KCNN3: variants seen among roughly 807,000 people sequenced by gnomAD.
KCNN3 encodes potassium calcium-activated channel subfamily N member 3, also known as small conductance calcium-activated potassium channel protein 3.
Under a neutral mutation model 62.9 loss-of-function variants are expected in KCNN3, and 16 were observed. The observed-to-expected ratio is 0.25, with a 90% CI of 0.17 to 0.39. The LOEUF (loss-of-function observed/expected upper bound fraction) is 0.39. Among genes scored for constraint, KCNN3 ranks in the 10% least tolerant of loss-of-function variants. The pLI is 1.00. For synonymous variants in KCNN3, 370 were observed against 389.2 expected (o/e 0.95, Z 0.58); for missense variants, 599 against 949.4 (o/e 0.63, Z 4.85).
chr1:154,774,927 T>C (rs1648727485), intron 2 of KCNN3, among the ~76,000 whole-genome samples: 1 of 152,250 alleles, frequency 6.6e-6, no homozygotes, highest in African/African-American at 2.4e-5. Flanking sequence ...GAAATTAATG[T>C]TGGGGCCAGG....
chr1:154,798,577 A>G (rs1649826743), intron 2 of KCNN3, among the ~76,000 whole-genome samples: 1 of 152,194 alleles, frequency 6.6e-6, no homozygotes, highest in Non-Finnish European at 1.5e-5. Context: ...TCTATGGGAG[A>G]CATTGTTTAC....
At chr1:154,837,497 ACTC>A (rs1166402598) in intron 1 of KCNN3, among the ~76,000 whole-genome samples, 4 of 151,382 alleles carry the variant, frequency 2.6e-5, no homozygotes, top group Admixed American at 2.6e-4. Context: ...AACCCAGCCA[ACTC>A]CTCCTCCTGG....
At chr1:154,847,154 G>C (rs557646998) in intron 1 of KCNN3, among the ~76,000 whole-genome samples, 11 of 152,100 alleles carry the variant, frequency 7.2e-5, no homozygotes, top group African/African-American at 2.7e-4. Flanking sequence ...CTGTGTGCCA[G>C]GCACGTGCTG....
chr1:154,734,182 G>A (rs150499452), intron 3 of KCNN3, among the ~76,000 whole-genome samples: 1 of 152,324 alleles, frequency 6.6e-6, no homozygotes, highest in East Asian at 1.9e-4. Context: ...AGGCTGGGTG[G>A]CAGGGCTGGT....
chr1:154,812,154 AT>A (rs1650433057), intron 2 of KCNN3, among the ~76,000 whole-genome samples: 2 of 152,262 alleles, frequency 1.3e-5, no homozygotes, highest in Non-Finnish European at 2.9e-5. Context: ...GGGGGAAATG[AT>A]CATCATTGAA....
At chr1:154,852,671 T>C (rs1411583733) in intron 1 of KCNN3, among the ~76,000 whole-genome samples, 1 of 152,264 alleles carries the variant, frequency 6.6e-6, no homozygotes, top group Non-Finnish European at 1.5e-5. Context: ...CAATAATTTT[T>C]TGTATTGCTT....
intron 2 of KCNN3, among the ~76,000 whole-genome samples, chr1:154,815,053 T>C (rs1411340559): frequency 6.6e-6 from 1 of 152,198 alleles, no homozygotes; most frequent in Non-Finnish European, 1.5e-5. Context: ...TCCCCTTCAG[T>C]ACGAGTGGCC....
intron 3 of KCNN3, among the ~76,000 whole-genome samples, chr1:154,766,244 CCTCT>C (rs1056563879): frequency 5.3e-5 from 8 of 151,414 alleles, no homozygotes; most frequent in African/African-American, 1.9e-4. Context: ...ACTTTCCTAT[CCTCT>C]CTAACTAGTC....
At chr1:154,828,228 G>GA (rs113826079) in intron 1 of KCNN3, among the ~76,000 whole-genome samples, 49,989 of 151,716 alleles carry the variant, frequency 0.33, 9,033 homozygotes, top group East Asian at 0.68. Context: ...TCAGCCCCCA[G>GA]TAAAATGAGA....
rs1048058017 is a variant in KCNN3 at position 154,769,370 on chromosome 1, G to A, written c.1448+2605C>T. Among the ~76,000 whole-genome samples the A allele has an allele frequency of 3.3e-5, 5 of 152,256 alleles. No individual in the cohort carries two copies. In the South Asian group the frequency reaches 6.2e-4, roughly 19 times the overall value. On this transcript the variant is annotated intron_variant, in intron 3 of 7. Coordinates refer to ENST00000271915, the MANE Select transcript of KCNN3 (RefSeq NM_002249.6). ...AGAAGGGAACTTTCAGAGAATTTCC[G>A]ATTTGCTCATTGTTCCTCTGTGCCT...
rs1648589722 is a variant in KCNN3, at chr1:154,772,210, T to G, written c.1213A>C (p.Ile405Leu). 6.2e-7 allele frequency: 1 copy of G among 1,614,102 alleles called. No individual in the cohort carries two copies. The change falls in exon 3 of 8, where the codon ATC becomes CTC. Residue 405 changes from isoleucine (I) to leucine (L), a missense_variant. Physicochemically the swap from Ile to Leu is conservative, Grantham distance 5. Around this residue, in one of 7 missense-constraint regions of KCNN3, gnomAD observed 288 missense variants for 557.4 expected, o/e 0.52. Coordinates refer to ENST00000271915, the MANE Select transcript of KCNN3 (RefSeq NM_002249.6). The surrounding 1 kb of genome is among the most constrained non-coding windows in gnomAD (Gnocchi z 5.6). Reference protein sequence around the residue: ...TPSRAEADVDIILSIPMFLRL... With the variant: ...TPSRAEADVDLILSIPMFLRL... ...AGGAACATGGGGATAGACAGGATGATGTCCACATCGGCCTCCGCCCGGGAG... is the reference window on the plus strand; with the variant it reads ...AGGAACATGGGGATAGACAGGATGAGGTCCACATCGGCCTCCGCCCGGGAG...
intron 7 of KCNN3, among the ~76,000 whole-genome samples, chr1:154,712,914 C>A (rs1700109077): frequency 6.6e-6 from 1 of 152,166 alleles, no homozygotes; most frequent in African/African-American, 2.4e-5. Context: ...TTTTGGGTAT[C>A]TTCATGTTCC....
In KCNN3 at chr1:154,706,064, A is replaced by G. The variant is rs1253203300; in HGVS notation, c.*1912T>C. ...AGCAGGTGCGGCATCTCTGGTATGC[A>G]AAACAACTAATGAAAGTGTTCAAAG... On this transcript the variant is annotated 3_prime_UTR_variant, in exon 8 of 8. Coordinates refer to ENST00000271915, the MANE Select transcript of KCNN3 (RefSeq NM_002249.6). 6.6e-6 allele frequency: 1 copy of G among 152,258 alleles called. No homozygotes were observed. Among genetic ancestry groups the G allele is most frequent in the African/African-American group, 2.4e-5 (1 of 41,466 alleles). The allele number at this position is 152,258 out of a possible 1,614,324, so 9.4% of individuals were successfully genotyped here.
intron 3 of KCNN3, among the ~76,000 whole-genome samples, chr1:154,758,927 C>A (rs1008547328): frequency 9.2e-5 from 14 of 152,080 alleles, no homozygotes; most frequent in African/African-American, 2.9e-4. Flanking sequence ...CTTGCCTCGG[C>A]CTCGTGAGTA....
chr1:154,811,033 T>C (rs182304130), intron 2 of KCNN3, among the ~76,000 whole-genome samples: 125 of 152,288 alleles, frequency 8.2e-4, no homozygotes, highest in African/African-American at 2.8e-3. Flanking sequence ...TACGGGACTG[T>C]CGCCAAGAAT....
chr1:154,854,128 G>A lies in KCNN3; in HGVS notation c.933+14904C>T, dbSNP rs532963514. ...CAGGCACCTGTGGTCCCAGCTACTC[G>A]GGAGGCTGAGGCAGGAGGATAGCGT... is the stretch of plus-strand genomic sequence containing the variant. On this transcript the variant is annotated intron_variant, in intron 1 of 7. Transcript: ENST00000271915. Among the ~76,000 whole-genome samples the A allele has an allele frequency of 6.7e-5, 10 of 149,208 alleles. 1 individual carries two copies. In the East Asian group the frequency reaches 1.2e-3, roughly 18 times the overall value.
In KCNN3 at chr1:154,706,221, T is replaced by A. The variant is rs1274838934; in HGVS notation, c.*1755A>T. 2.0e-5 allele frequency: 3 copies of A among 152,218 alleles called. No homozygotes were observed. Among genetic ancestry groups the A allele is most frequent in the Non-Finnish European group, 4.4e-5 (3 of 68,040 alleles). The allele number at this position is 152,218 out of a possible 1,614,324, so 9.4% of individuals were successfully genotyped here. A position where few individuals can be genotyped will look rare whatever the true frequency, so the allele number is the denominator to read the frequency against. On this transcript the variant is annotated 3_prime_UTR_variant, in exon 8 of 8. Transcript: ENST00000271915. ...GGCCTTGGCTCTACAATTGTCTACC[T>A]TGTGCTGTCCTTAGAAGAACAGGCC...
At chr1:154,794,854 C>T (rs539781376) in intron 2 of KCNN3, among the ~76,000 whole-genome samples, 14 of 152,228 alleles carry the variant, frequency 9.2e-5, no homozygotes, top group South Asian at 2.1e-4. Flanking sequence ...AACCCAGTAG[C>T]GAGCCTGTCA....
Position 154,698,850 on chromosome 1 carries a change from C to T in KCNN3, c.*9126G>A, listed in dbSNP as rs1699794116. The T allele has an allele frequency of 6.6e-6, 1 of 152,208 alleles. No homozygotes were observed. The highest frequency in any genetic ancestry group is 2.4e-5 in the African/African-American group (1 of 41,450). The allele number at this position is 152,208 out of a possible 1,614,324, so 9.4% of individuals were successfully genotyped here. A position where few individuals can be genotyped will look rare whatever the true frequency, so the allele number is the denominator to read the frequency against. ...TTGGAGCTGGTCTAAGCTCCAGCCC[C>T]TGCAATTTCATTTGCCTTTCCTTAG... On this transcript the variant is annotated 3_prime_UTR_variant, in exon 8 of 8. Transcript: ENST00000271915.
Sources: gnomAD v4.1 joint callset for allele counts (sites outside exome capture counted in the v4.1 genomes callset) on GRCh38, gnomAD v4.1.1 for gene constraint, gnomAD v4.1.1 regional missense constraint, Gnocchi (gnomAD v3.1) non-coding constraint, MANE v1.5 for transcripts, NCBI Gene and HGNC (gene_info 2026-07-23, HGNC 2026-07-21) for gene names.